The following GCA variants were observed in gnomAD, a reference collection of about 807,000 sequenced individuals.
The protein encoded by GCA is grancalcin, EF-hand calcium-binding protein.
In GCA, 30 loss-of-function variants were observed where a neutral mutation model predicts 32.6. That is an observed-to-expected ratio of 0.92 (90% CI 0.69 to 1.25). GCA has a LOEUF of 1.25. Ranked by LOEUF, GCA falls within the 50% of genes most tolerant of loss-of-function variation. The pLI is 0.00. For synonymous variants in GCA, 102 were observed against 84.6 expected, an observed-to-expected ratio of 1.21 and a Z score of -1.13; for missense variants, 291 against 266.8, an observed-to-expected ratio of 1.09 and a Z score of -0.63.
At chr2:162,345,130 TG>T (rs1340228080) in intron 1 of GCA, among the ~76,000 whole-genome samples, 14 of 150,662 alleles carry the variant, frequency 9.3e-5, no homozygotes, top group African/African-American at 3.4e-4. Flanking sequence ...GTGGTGGTGG[TG>T]GTGGTTGTGG....
At chr2:162,371,822 A>C, downstream of GCA, 1 of 1,605,968 alleles carries the variant, frequency 6.2e-7, no homozygotes, top group Non-Finnish European at 8.5e-7. Flanking sequence ...TAAATAGTAC[A>C]AAATGATTAT....
chr2:162,375,036 C>T (rs898980838), downstream of GCA, among the ~76,000 whole-genome samples: 2 of 152,142 alleles, frequency 1.3e-5, no homozygotes, highest in African/African-American at 4.8e-5. Context: ...ATTTTTCTTT[C>T]ATTTCACTCT....
downstream of GCA, among the ~76,000 whole-genome samples, chr2:162,375,326 GAT>G (rs1452729617): frequency 6.6e-6 from 1 of 152,148 alleles, no homozygotes; most frequent in African/African-American, 2.4e-5. Context: ...AAATTATCGT[GAT>G]GTTTTTGTCA....
intron 1 of GCA, among the ~76,000 whole-genome samples, chr2:162,329,647 T>G: frequency 6.6e-6 from 1 of 150,856 alleles, no homozygotes. Context: ...GATCAAAATT[T>G]TTTATTTTTA....
chr2:162,373,102 G>T (rs1576314060), downstream of GCA, among the ~76,000 whole-genome samples: 3 of 152,092 alleles, frequency 2.0e-5, no homozygotes, highest in South Asian at 6.2e-4. Context: ...AAGCTCTTTT[G>T]GGACCCAGAT....
At chr2:162,356,360 T>C in intron 3 of GCA, 78 bp from the exon 4 acceptor site, 1 of 828,650 alleles carries the variant, frequency 1.2e-6, no homozygotes, top group Admixed American at 2.0e-5. Flanking sequence ...ATGTTTTATT[T>C]TGAAACTGGA....
At chr2:162,336,345 A>T (rs1684270270) in intron 1 of GCA, among the ~76,000 whole-genome samples, 2 of 152,206 alleles carry the variant, frequency 1.3e-5, no homozygotes, top group African/African-American at 4.8e-5. Flanking sequence ...TCACATAGGA[A>T]ATCAAATACA....
intron 1 of GCA, chr2:162,319,506 A>G (rs139675363): frequency 4.8e-6 from 1 of 208,390 alleles, no homozygotes; most frequent in African/African-American, 2.3e-5. Flanking sequence ...TGGATTCAAT[A>G]CAGCAAGTTT....
chr2:162,328,662 TCTTTTAGTTTTG>T (rs1013608011), intron 1 of GCA, among the ~76,000 whole-genome samples: 2 of 151,970 alleles, frequency 1.3e-5, no homozygotes, highest in African/African-American at 4.8e-5. Context: ...TACAGGGTAC[TCTTTTAGTTTTG>T]CTTTTAGTTT....
rs533531588 is a variant in GCA at position 162,321,887 on chromosome 2, T to C, written c.-31+2662T>C. On this transcript the variant is annotated intron_variant, in intron 1 of 4. Coordinates refer to the GCA transcript ENST00000429691. ...TATAAAGGAAAAATTTAGTTACATA[T>C]ATATATATATATATATATATATATA... is the stretch of plus-strand genomic sequence containing the variant. Among the ~76,000 whole-genome samples, 5 of 718 alleles carry C rather than the reference T, an allele frequency of 7.0e-3. No individual in the cohort carries two copies. The South Asian group carries it at 0.12, about 18-fold the overall frequency. 0.5% of individuals were successfully genotyped at this position (718 alleles called of 152,430 possible).
chr2:162,371,392 C>A (rs1685939677), exon 5 of GCA: 1 of 1,288,386 alleles, frequency 7.8e-7, no homozygotes, highest in Non-Finnish European at 1.0e-6. Context: ...TTCCCTTTAT[C>A]CCCCTGGAAT....
At chr2:162,372,997 A>C (rs1006103928), downstream of GCA, among the ~76,000 whole-genome samples, 1 of 152,130 alleles carries the variant, frequency 6.6e-6, no homozygotes, top group Non-Finnish European at 1.5e-5. Context: ...TTTGAACCTC[A>C]GGTCTAATCT....
Position 162,352,338 on chromosome 2 carries a change from G to A in GCA, c.193G>A (p.Asp65Asn). The change falls in exon 3 of 8, where the codon GAT becomes AAT. Residue 65 changes from aspartate (D) to asparagine (N), a missense_variant and splice_region_variant. Coordinates refer to ENST00000437150, the MANE Select transcript of GCA (RefSeq NM_012198.5). The part of the protein sequence containing the change: ...YTYFSAVAGQ[D>N]GEVDAEELQR... ...TTAGGTCATAATTATTTTTAAACAG[G>A]ATGGTGAAGTGGATGCTGAAGAACT... The A allele has an allele frequency of 6.4e-7, 1 of 1,551,264 alleles. No individual in the cohort carries two copies.
chr2:162,371,852 C>T (rs774496305), downstream of GCA: 24 of 1,609,798 alleles, frequency 1.5e-5, no homozygotes, highest in Non-Finnish European at 1.9e-5. Flanking sequence ...AGACCAGGAT[C>T]AGAAACATGC....
At chr2:162,318,964 T>A, upstream of GCA, 1 of 341,728 alleles carries the variant, frequency 2.9e-6, no homozygotes, top group South Asian at 2.2e-5. Flanking sequence ...GTGCAGGGCA[T>A]AAAAGCATGT....
At chr2:162,330,596 A>G (rs542185769) in intron 1 of GCA, among the ~76,000 whole-genome samples, 1 of 152,198 alleles carries the variant, frequency 6.6e-6, no homozygotes, top group African/African-American at 2.4e-5. Context: ...TTCTGAACCT[A>G]TGTCCAGATT....
downstream of GCA, among the ~76,000 whole-genome samples, chr2:162,368,065 A>C (rs1685813031): frequency 6.6e-6 from 1 of 151,898 alleles, no homozygotes; most frequent in Non-Finnish European, 1.5e-5. Context: ...GGGCTTGTTA[A>C]AAGATGATTG....
chr2:162,371,228 G>T (rs1685931542), intron 4 of GCA: 1 of 553,978 alleles, frequency 1.8e-6, no homozygotes, highest in Non-Finnish European at 3.1e-6. Flanking sequence ...CATTACTGTT[G>T]GCCTATGTTT....
At position 162,344,147 on chromosome 2, in the gene GCA, C is replaced by G. The variant is rs914901038; in HGVS notation, c.-102C>G. 3.7e-5 allele frequency: 48 copies of G among 1,284,242 alleles called. No homozygotes were observed. In the African/African-American group the frequency reaches 6.1e-4, roughly 16 times the overall value. 79.6% of individuals were successfully genotyped at this position (1,284,242 alleles called of 1,614,324 possible). ...CTGTGCGGTTAGTGCGCCTTTCAGC[C>G]TCACCTGCAGCTGCGCCTCCTTGCA... On this transcript the variant is annotated 5_prime_UTR_variant, in exon 1 of 8. Transcript: ENST00000437150.
Sources: gnomAD v4.1 joint callset for allele counts (sites outside exome capture counted in the v4.1 genomes callset) on GRCh38, gnomAD v4.1.1 for gene constraint, MANE v1.5 for transcripts, NCBI Gene and HGNC (gene_info 2026-07-23, HGNC 2026-07-21) for gene names.